The following GPC6 variants were observed in gnomAD, a reference collection of about 807,000 sequenced individuals.
The protein encoded by GPC6 is glypican 6.
A neutral mutation model predicts 55.2 loss-of-function variants in GPC6; 14 were observed. The ratio of observed to expected loss-of-function variants is 0.25; its 90% CI spans 0.17 to 0.40. The LOEUF is 0.40. Among genes scored for constraint, GPC6 ranks in the 10% least tolerant of loss-of-function variants. The pLI is 1.00. For synonymous variants in GPC6, 278 were observed against 259.6 expected, an observed-to-expected ratio of 1.07 and a Z score of -0.68; for missense variants, 641 against 708.5, an observed-to-expected ratio of 0.90 and a Z score of 1.08.
chr13:93,728,555 GTTATC>G (rs1883721412), intron 2 of GPC6, among the ~76,000 whole-genome samples: 1 of 142,948 alleles, frequency 7.0e-6, no homozygotes, highest in African/African-American at 2.5e-5. Flanking sequence ...TTTATCTTAT[GTTATC>G]TTATTTATTT....
chr13:93,841,786 A>T (rs999191492), intron 3 of GPC6, among the ~76,000 whole-genome samples: 3 of 152,208 alleles, frequency 2.0e-5, no homozygotes, highest in African/African-American at 7.2e-5. Flanking sequence ...TACTGAACAG[A>T]GAGCAGTGGA....
At chr13:94,323,760 A>C (rs143574191) in intron 6 of GPC6, among the ~76,000 whole-genome samples, 11 of 152,336 alleles carry the variant, frequency 7.2e-5, no homozygotes, top group African/African-American at 2.6e-4. Flanking sequence ...AATCTCAAGA[A>C]CATTTAAGTA....
intron 4 of GPC6, among the ~76,000 whole-genome samples, chr13:94,157,382 C>G (rs75760142): frequency 1.3e-5 from 2 of 152,218 alleles, no homozygotes; most frequent in African/African-American, 2.4e-5. Flanking sequence ...AAGAACACCT[C>G]CAACTGGAGG....
At chr13:93,468,339 C>T (rs1329520345) in intron 1 of GPC6, among the ~76,000 whole-genome samples, 1 of 152,034 alleles carries the variant, frequency 6.6e-6, no homozygotes, top group Non-Finnish European at 1.5e-5. Flanking sequence ...GACAGTTTCT[C>T]CACTTATCCC....
chr13:93,390,070 G>A (rs1178684037), intron 1 of GPC6, among the ~76,000 whole-genome samples: 1 of 151,980 alleles, frequency 6.6e-6, no homozygotes, highest in East Asian at 1.9e-4. Flanking sequence ...TTAATATGGG[G>A]ATATGCTGTG....
At chr13:93,250,176 G>A (rs1015620327) in intron 1 of GPC6, among the ~76,000 whole-genome samples, 62 of 152,274 alleles carry the variant, frequency 4.1e-4, no homozygotes, top group African/African-American at 1.5e-3. Context: ...TGTGCTACAC[G>A]AATGAACACT....
chr13:93,288,476 G>A (rs1878209485), intron 1 of GPC6, among the ~76,000 whole-genome samples: 1 of 151,918 alleles, frequency 6.6e-6, no homozygotes, highest in Non-Finnish European at 1.5e-5. Flanking sequence ...TTCTGTTTTG[G>A]TATTCAGGGA....
rs180862582 is a variant in GPC6 at position 93,265,743 on chromosome 13, C to T, written c.160+38127C>T. Among the ~76,000 whole-genome samples, 654 of 152,232 alleles carry T rather than the reference C, an allele frequency of 4.3e-3. 1 individual carries two copies. Among genetic ancestry groups the T allele is most frequent in the Non-Finnish European group, 7.4e-3 (506 of 68,010 alleles). ...AGATGCCAGAGCCAGCTTTTATTGG[C>T]CCACAAGAGCCAACTGTTACATTTT... On this transcript the variant is annotated intron_variant, in intron 1 of 8. Transcript: ENST00000377047.
At chr13:93,937,769 GGGTTTCACCATGTT>G (rs1022238147) in intron 3 of GPC6, among the ~76,000 whole-genome samples, 30 of 152,116 alleles carry the variant, frequency 2.0e-4, no homozygotes, top group African/African-American at 6.5e-4. Flanking sequence ...AGTAGAGATG[GGGTTTCACCATGTT>G]GGCCAGGCTG....
chr13:93,675,663 A>G (rs1159793793), intron 2 of GPC6, among the ~76,000 whole-genome samples: 1 of 152,172 alleles, frequency 6.6e-6, no homozygotes, highest in Non-Finnish European at 1.5e-5. Flanking sequence ...ACTGCATCAA[A>G]CAGTATGTCC....
chr13:93,222,632 A>T (rs1034675905), upstream of GPC6, among the ~76,000 whole-genome samples: 3 of 151,912 alleles, frequency 2.0e-5, no homozygotes, highest in African/African-American at 7.3e-5. Flanking sequence ...AAATCTCCTC[A>T]CCTGGGTTCC....
chr13:93,689,739 C>T (rs745891185), intron 2 of GPC6, among the ~76,000 whole-genome samples: 7 of 152,068 alleles, frequency 4.6e-5, no homozygotes, highest in South Asian at 2.1e-4. Flanking sequence ...CTAAATATTT[C>T]GCCCTGTTTC....
intron 3 of GPC6, among the ~76,000 whole-genome samples, chr13:93,869,025 G>A (rs1003109968): frequency 1.3e-5 from 2 of 151,800 alleles, no homozygotes; most frequent in Non-Finnish European, 2.9e-5. Flanking sequence ...TTTGGTTGGG[G>A]TACAAGACCT....
At chr13:94,274,190 G>A (rs1394890370) in intron 4 of GPC6, among the ~76,000 whole-genome samples, 7 of 152,146 alleles carry the variant, frequency 4.6e-5, no homozygotes, top group Admixed American at 3.3e-4. Context: ...AGGACTACTG[G>A]TGAATTATTT....
intron 1 of GPC6, among the ~76,000 whole-genome samples, chr13:93,464,641 C>T (rs1878839532): frequency 1.3e-5 from 2 of 152,154 alleles, no homozygotes; most frequent in Middle Eastern, 3.2e-3. Flanking sequence ...TGGTGATTTT[C>T]TCCATTGAAT....
Position 93,361,065 on chromosome 13 carries a change from C to T in GPC6, c.160+133449C>T, listed in dbSNP as rs1344887860. 4.6e-5 allele frequency among the ~76,000 whole-genome samples: 7 copies of T among 152,062 alleles called. 1 individual carries two copies. In the South Asian group the frequency reaches 6.2e-4, roughly 13 times the overall value. On this transcript the variant is annotated intron_variant, in intron 1 of 8. Coordinates refer to ENST00000377047, the MANE Select transcript of GPC6 (RefSeq NM_005708.5). Reference sequence around the variant, plus strand: ...GCTGACCACCTCTTGCTTGGTGCTACGGATACCTCCTGAAATCTGGCTGCT... The same window carrying T: ...GCTGACCACCTCTTGCTTGGTGCTATGGATACCTCCTGAAATCTGGCTGCT...
At chr13:93,550,485 A>G (rs561696411) in intron 2 of GPC6, among the ~76,000 whole-genome samples, 11 of 152,324 alleles carry the variant, frequency 7.2e-5, no homozygotes, top group Admixed American at 6.5e-4. Context: ...AAAAATATTG[A>G]ACAGTAAGTT....
chr13:93,372,493 C>T (rs976286503), intron 1 of GPC6, among the ~76,000 whole-genome samples: 1 of 152,160 alleles, frequency 6.6e-6, no homozygotes, highest in African/African-American at 2.4e-5. Context: ...TCACTGCCAT[C>T]TAACCTCTTT....
At chr13:93,906,003 G>A (rs560830918) in intron 3 of GPC6, among the ~76,000 whole-genome samples, 22 of 152,130 alleles carry the variant, frequency 1.4e-4, no homozygotes, top group Non-Finnish European at 2.5e-4. Flanking sequence ...GTAACATGTT[G>A]CATTAGAAAT....
Sources: allele counts gnomAD v4.1 joint callset (sites outside exome capture counted in the v4.1 genomes callset), GRCh38; gene constraint gnomAD v4.1.1; transcripts MANE v1.5; gene names NCBI Gene and HGNC (gene_info 2026-07-23, HGNC 2026-07-21).